Variants in FTO observed in about 807,000 individuals in gnomAD.
FTO encodes the protein FTO alpha-ketoglutarate dependent dioxygenase, also known as alpha-ketoglutarate-dependent dioxygenase FTO.
A neutral mutation model predicts 63.9 loss-of-function variants in FTO; 47 were observed. The ratio of observed to expected loss-of-function variants is 0.74; its 90% CI spans 0.58 to 0.94. FTO has a LOEUF of 0.94. FTO is among the 40% of genes least tolerant of loss of function. The pLI is 0.00. For missense variants in FTO, 562 were observed against 618.1 expected, an observed-to-expected ratio of 0.91 and a Z score of 0.96; for synonymous variants, 207 against 224.4, an observed-to-expected ratio of 0.92 and a Z score of 0.69.
chr16:53,912,602 C>T (rs1598973741), intron 7 of FTO, among the ~76,000 whole-genome samples: 1 of 152,174 alleles, frequency 6.6e-6, no homozygotes, highest in East Asian at 1.9e-4. Context: ...GAATCATCAT[C>T]AACAGATTGC....
At chr16:53,913,040 T>G (rs1034210381) in intron 7 of FTO, among the ~76,000 whole-genome samples, 2 of 152,196 alleles carry the variant, frequency 1.3e-5, no homozygotes, top group Non-Finnish European at 2.9e-5. Flanking sequence ...TTTTCTTTGA[T>G]GTATGGGCAG....
intron 8 of FTO, among the ~76,000 whole-genome samples, chr16:54,000,615 C>G (rs539540709): frequency 3.2e-4 from 48 of 152,104 alleles, no homozygotes; most frequent in Non-Finnish European, 6.2e-4. Flanking sequence ...TTGCTTTAGT[C>G]TGTAAATTCT....
intron 1 of FTO, among the ~76,000 whole-genome samples, chr16:53,756,810 C>T (rs542081010): frequency 6.2e-4 from 95 of 152,266 alleles, no homozygotes; most frequent in Non-Finnish European, 9.4e-4. Flanking sequence ...GAAGTCCATT[C>T]AGCTGGAAAA....
At chr16:54,017,129 T>C (rs569091206) in intron 8 of FTO, among the ~76,000 whole-genome samples, 1 of 152,290 alleles carries the variant, frequency 6.6e-6, no homozygotes, top group Non-Finnish European at 1.5e-5. Context: ...AGACTTGTAA[T>C]CACCACTTGC....
chr16:54,035,591 C>T (rs1228623079), intron 8 of FTO, among the ~76,000 whole-genome samples: 1 of 152,104 alleles, frequency 6.6e-6, no homozygotes, highest in Non-Finnish European at 1.5e-5. Context: ...TCCTTTGGAG[C>T]CATTATGGTG....
chr16:54,029,444 C>T (rs930805964), intron 8 of FTO, among the ~76,000 whole-genome samples: 2 of 152,100 alleles, frequency 1.3e-5, no homozygotes, highest in Non-Finnish European at 2.9e-5. Flanking sequence ...CTTACTTTGC[C>T]CTAGCTTTAG....
chr16:53,820,668 C>T (rs2078838388), intron 2 of FTO, among the ~76,000 whole-genome samples: 1 of 150,686 alleles, frequency 6.6e-6, no homozygotes, highest in South Asian at 2.1e-4. Context: ...GTAATATTCC[C>T]CTTCCTGTGT....
chr16:54,002,922 T>A (rs1079880), intron 8 of FTO, among the ~76,000 whole-genome samples: 2 of 152,024 alleles, frequency 1.3e-5, no homozygotes, highest in Non-Finnish European at 2.9e-5. Flanking sequence ...TCCCTGGGGG[T>A]CAGGTGGGCT....
At chr16:54,018,409 G>GATAGATAGATAGATACATAC (rs1474063795) in intron 8 of FTO, among the ~76,000 whole-genome samples, 37 of 142,220 alleles carry the variant, frequency 2.6e-4, no homozygotes, top group Non-Finnish European at 4.3e-4. Context: ...TAGATAGATA[G>GATAGATAGATAGATACATAC]ATACATACAT....
intron 7 of FTO, among the ~76,000 whole-genome samples, chr16:53,923,570 C>T (rs1375656343): frequency 1.3e-5 from 2 of 152,116 alleles, no homozygotes; most frequent in African/African-American, 4.8e-5. Flanking sequence ...GGGTTGCAGG[C>T]GTAAAATAGC....
chr16:53,989,513 T>C (rs1246163652), intron 8 of FTO, among the ~76,000 whole-genome samples: 2 of 152,100 alleles, frequency 1.3e-5, no homozygotes, highest in Non-Finnish European at 2.9e-5. Flanking sequence ...CTCATTGTAG[T>C]TGGGGAGGTA....
At chr16:53,797,442 C>T (rs72805611) in intron 1 of FTO, among the ~76,000 whole-genome samples, 46,901 of 152,098 alleles carry the variant, frequency 0.31, 8,743 homozygotes, top group Non-Finnish European at 0.42. Context: ...TCTTCCGTCA[C>T]TCAGCATTGT....
At chr16:53,808,173 G>A (rs547892775) in intron 1 of FTO, among the ~76,000 whole-genome samples, 2 of 151,920 alleles carry the variant, frequency 1.3e-5, no homozygotes, top group South Asian at 2.1e-4. Flanking sequence ...TACAAAAAAA[G>A]TAAAACAAAA....
chr16:54,059,641 A>C (rs1198874987), intron 8 of FTO, among the ~76,000 whole-genome samples: 1 of 152,172 alleles, frequency 6.6e-6, no homozygotes, highest in East Asian at 1.9e-4. Flanking sequence ...AGAGTGCATT[A>C]CTGTGGCTCA....
At chr16:53,930,993 C>T (rs113155763) in intron 7 of FTO, among the ~76,000 whole-genome samples, 42 of 152,248 alleles carry the variant, frequency 2.8e-4, no homozygotes, top group African/African-American at 8.7e-4. Flanking sequence ...AATGGGGATA[C>T]GGTGTTGAAC....
chr16:53,777,775 T>C (rs920656374), intron 1 of FTO, among the ~76,000 whole-genome samples: 1 of 152,226 alleles, frequency 6.6e-6, no homozygotes, highest in Non-Finnish European at 1.5e-5. Context: ...AAGTTTATCA[T>C]TGGCAGCAAA....
intron 1 of FTO, among the ~76,000 whole-genome samples, chr16:53,796,885 G>C (rs1486991312): frequency 6.6e-6 from 1 of 152,124 alleles, no homozygotes; most frequent in Non-Finnish European, 1.5e-5. Flanking sequence ...ATCAAGATTA[G>C]GAGACATGTT....
chr16:53,956,989 A>G (rs1409802927), intron 8 of FTO, among the ~76,000 whole-genome samples: 1 of 152,200 alleles, frequency 6.6e-6, no homozygotes, highest in African/African-American at 2.4e-5. Context: ...GAACTAAGGC[A>G]ACCCTATTTA....
At chr16:53,964,471 G>A (rs1315222142) in intron 8 of FTO, among the ~76,000 whole-genome samples, 1 of 152,178 alleles carries the variant, frequency 6.6e-6, no homozygotes, top group Non-Finnish European at 1.5e-5. Context: ...TGTTGTTCAT[G>A]TAAATTGCTG....
Sources: gnomAD v4.1 joint callset for allele counts (sites outside exome capture counted in the v4.1 genomes callset) on GRCh38, gnomAD v4.1.1 for gene constraint, MANE v1.5 for transcripts, NCBI Gene and HGNC (gene_info 2026-07-23, HGNC 2026-07-21) for gene names.